Variants in DDAH1 observed in about 807,000 individuals in gnomAD.
DDAH1 encodes the protein dimethylarginine dimethylaminohydrolase 1.
A neutral mutation model predicts 28.8 loss-of-function variants in DDAH1; 19 were observed. That is an observed-to-expected ratio of 0.66 (90% CI 0.46 to 0.97). The LOEUF (loss-of-function observed/expected upper bound fraction) is 0.97. Ranked by LOEUF, DDAH1 falls within the 50% of genes least tolerant of loss-of-function variation. The probability of loss-of-function intolerance (pLI) is 0.00; values close to 1 mark genes in which losing one functional copy is unlikely to be tolerated. For synonymous variants in DDAH1, 153 were observed against 154.4 expected, an observed-to-expected ratio of 0.99 and a Z score of 0.07; for missense variants, 326 against 375.9, an observed-to-expected ratio of 0.87 and a Z score of 1.10.
intron 1 of DDAH1, among the ~76,000 whole-genome samples, chr1:85,506,490 C>T (rs187273046): frequency 6.6e-6 from 1 of 152,316 alleles, no homozygotes; most frequent in Non-Finnish European, 1.5e-5. Flanking sequence ...CACATCCTCT[C>T]ACAGCAACAC....
intron 1 of DDAH1, among the ~76,000 whole-genome samples, chr1:85,362,944 T>C (rs762944605): frequency 6.6e-6 from 1 of 152,110 alleles, no homozygotes; most frequent in Admixed American, 6.5e-5. Context: ...AAACCTAAAA[T>C]ACTAAAAGAA....
chr1:85,490,130 T>C (rs1480702484), intron 2 of DDAH1, among the ~76,000 whole-genome samples: 1 of 152,046 alleles, frequency 6.6e-6, no homozygotes, highest in East Asian at 1.9e-4. Flanking sequence ...GGAGGTAGAC[T>C]AGGGAAGAAT....
chr1:85,480,994 T>G (rs1178067099), intron 2 of DDAH1, among the ~76,000 whole-genome samples: 1 of 151,770 alleles, frequency 6.6e-6, no homozygotes, highest in Non-Finnish European at 1.5e-5. Flanking sequence ...AGAAGTGGGA[T>G]TATAGGTGAT....
At chr1:85,386,066 C>G (rs1168961804) in intron 1 of DDAH1, among the ~76,000 whole-genome samples, 1 of 152,190 alleles carries the variant, frequency 6.6e-6, no homozygotes, top group East Asian at 1.9e-4. Flanking sequence ...CAAACACTTC[C>G]CACTAGGCCC....
At chr1:85,457,357 A>C (rs569395733) in intron 1 of DDAH1, among the ~76,000 whole-genome samples, 18 of 152,176 alleles carry the variant, frequency 1.2e-4, no homozygotes, top group East Asian at 7.7e-4. Flanking sequence ...GGTGAGACAC[A>C]TCTTCTTGAG....
intron 1 of DDAH1, among the ~76,000 whole-genome samples, chr1:85,408,946 TG>T (rs1227032951): frequency 6.6e-5 from 10 of 152,226 alleles, no homozygotes; most frequent in Non-Finnish European, 1.5e-5. Context: ...CCTGCCCTCA[TG>T]GGGGTAACAG....
At chr1:85,541,581 G>T (rs1487844345) in intron 1 of DDAH1, among the ~76,000 whole-genome samples, 1 of 152,210 alleles carries the variant, frequency 6.6e-6, no homozygotes, top group Non-Finnish European at 1.5e-5. Flanking sequence ...GCAAAATCCT[G>T]TGGTGATCTA....
Position 85,351,558 on chromosome 1 carries a change from A to G in DDAH1, c.425T>C (p.Leu142Pro). ...LFTGREFFVG[L>P]SKRTNQRGAE... ...ACCTCGTTGATTTGTCCTTTTGGAAAGGCCCACAAAAAATTCTCTGCCTGT... is the reference window on the plus strand; with the variant it reads ...ACCTCGTTGATTTGTCCTTTTGGAAGGGCCCACAAAAAATTCTCTGCCTGT... The change falls in exon 3 of 6, where the codon CTT (leucine) becomes CCT (proline). Residue 142 changes from leucine to proline, a missense_variant. Leu to Pro is a moderately conservative substitution (Grantham distance 98). Coordinates refer to ENST00000284031, the MANE Select transcript of DDAH1 (RefSeq NM_012137.4). 1 of 1,614,130 alleles carries G rather than the reference A, an allele frequency of 6.2e-7. No homozygotes were observed. The highest frequency in any genetic ancestry group is 8.5e-7 in the Non-Finnish European group (1 of 1,179,996).
At chr1:85,388,252 A>C (rs1651376140) in intron 1 of DDAH1, among the ~76,000 whole-genome samples, 1 of 152,252 alleles carries the variant, frequency 6.6e-6, no homozygotes, top group Non-Finnish European at 1.5e-5. Flanking sequence ...ATGATGATTA[A>C]ATGAAATAAT....
chr1:85,562,516 A>C lies in DDAH1; in HGVS notation c.-123+15468T>G, dbSNP rs1240441359. The stretch of plus-strand genomic sequence containing the variant: ...GAAATAGGCTGTTTACAGATGTAAC[A>C]AAGTTAAGATGAGGTCATACTGAAT... On this transcript the variant is annotated intron_variant, in intron 1 of 6. Transcript: ENST00000426972. Among the ~76,000 whole-genome samples, 3 of 152,346 alleles carry C rather than the reference A, an allele frequency of 2.0e-5. No individual in the cohort carries two copies. The East Asian group carries it at 5.8e-4, about 29-fold the overall frequency.
At chr1:85,400,204 TTTTTGA>T (rs1267269210) in intron 1 of DDAH1, among the ~76,000 whole-genome samples, 1 of 89,834 alleles carries the variant, frequency 1.1e-5, no homozygotes, top group African/African-American at 4.6e-5. Flanking sequence ...TTTTTTTTTT[TTTTTGA>T]GACGGAGTCT....
At chr1:85,456,855 C>G (rs947916930) in intron 1 of DDAH1, among the ~76,000 whole-genome samples, 1 of 152,238 alleles carries the variant, frequency 6.6e-6, no homozygotes, top group Admixed American at 6.5e-5. Flanking sequence ...ACCCCCCCAC[C>G]CTCCACCACC....
chr1:85,499,976 T>C (rs1480669695), intron 1 of DDAH1, among the ~76,000 whole-genome samples: 2 of 152,212 alleles, frequency 1.3e-5, no homozygotes, highest in East Asian at 3.8e-4. Flanking sequence ...TAATATTTCT[T>C]ACAGTTTATG....
In DDAH1 at chr1:85,338,988, C is replaced by T. The variant is rs891133711; in HGVS notation, c.597+11427G>A. Among the ~76,000 whole-genome samples, 4 of 149,084 alleles carry T rather than the reference C, an allele frequency of 2.7e-5. 1 individual carries two copies. In the East Asian group the frequency reaches 7.8e-4, roughly 29 times the overall value. On this transcript the variant is annotated intron_variant, in intron 4 of 5. Transcript: ENST00000284031. ...CTTGAACCTGGGAGGCGGAGGTTGC[C>T]GTGAGCTAAGATCGTGCCATTGTAC...
intron 4 of DDAH1, among the ~76,000 whole-genome samples, chr1:85,336,235 A>G (rs560535459): frequency 2.8e-4 from 43 of 152,308 alleles, no homozygotes; most frequent in African/African-American, 1.0e-3. Flanking sequence ...ATTCTTCAGG[A>G]TAGATATTAG....
intron 2 of DDAH1, among the ~76,000 whole-genome samples, chr1:85,485,301 C>A (rs1190516756): frequency 6.6e-6 from 1 of 151,862 alleles, no homozygotes; most frequent in African/African-American, 2.4e-5. Flanking sequence ...AAAGAGTTAG[C>A]TTAGGTAGTT....
chr1:85,442,153 T>C (rs1404688153), intron 1 of DDAH1, among the ~76,000 whole-genome samples: 1 of 152,138 alleles, frequency 6.6e-6, no homozygotes, highest in Non-Finnish European at 1.5e-5. Flanking sequence ...ACATTAGGTA[T>C]ATCTCCTAAT....
At chr1:85,466,898 C>T (rs1464097477), upstream of DDAH1, among the ~76,000 whole-genome samples, 3 of 115,606 alleles carry the variant, frequency 2.6e-5, no homozygotes, top group Admixed American at 1.3e-4. Flanking sequence ...AGTGCAATGG[C>T]GCGATCTCAG....
chr1:85,323,932 G>A (rs1227631694), intron 5 of DDAH1, among the ~76,000 whole-genome samples: 1 of 142,834 alleles, frequency 7.0e-6, no homozygotes, highest in African/African-American at 2.7e-5. Context: ...TTATGCCACT[G>A]CACTCCAGAC....
Sources: gnomAD v4.1 joint callset for allele counts (sites outside exome capture counted in the v4.1 genomes callset) on GRCh38, gnomAD v4.1.1 for gene constraint, MANE v1.5 for transcripts, NCBI Gene and HGNC (gene_info 2026-07-23, HGNC 2026-07-21) for gene names.